GPC6: variants seen among roughly 807,000 people sequenced by gnomAD.
The protein encoded by GPC6 is glypican 6.
In GPC6, 14 loss-of-function variants were observed where a neutral mutation model predicts 55.2. The observed-to-expected ratio is 0.25, with a 90% CI of 0.17 to 0.40. GPC6 has a LOEUF of 0.40. Among genes scored for constraint, GPC6 ranks in the 10% least tolerant of loss-of-function variants. GPC6 has a pLI of 1.00. For missense variants in GPC6, 641 were observed against 708.5 expected (o/e 0.90, Z 1.08); for synonymous variants, 278 against 259.6 (o/e 1.07, Z -0.68).
intron 6 of GPC6, 109 bp downstream of exon 6, chr13:94,306,232 C>G: frequency 9.7e-7 from 1 of 1,033,344 alleles, no homozygotes; most frequent in Non-Finnish European, 1.5e-6. Flanking sequence ...TCATCTCATG[C>G]TTATATCTGC....
At chr13:93,929,149 G>T (rs1222216560) in intron 3 of GPC6, among the ~76,000 whole-genome samples, 3 of 152,048 alleles carry the variant, frequency 2.0e-5, no homozygotes, top group Non-Finnish European at 4.4e-5. Flanking sequence ...ATTCATACCT[G>T]GCCCTTTCAC....
chr13:94,166,822 TC>T (rs1293699639), intron 4 of GPC6, among the ~76,000 whole-genome samples: 10 of 152,210 alleles, frequency 6.6e-5, no homozygotes, highest in African/African-American at 2.4e-4. Flanking sequence ...TTTTAAATTT[TC>T]ATCAAATATG....
chr13:94,121,368 A>C (rs1413789211), intron 4 of GPC6, among the ~76,000 whole-genome samples: 1 of 152,062 alleles, frequency 6.6e-6, no homozygotes, highest in Non-Finnish European at 1.5e-5. Flanking sequence ...GCCAAGGATA[A>C]TTACTTTTGT....
intron 1 of GPC6, among the ~76,000 whole-genome samples, chr13:93,322,714 A>G (rs1879500163): frequency 6.6e-6 from 1 of 152,068 alleles, no homozygotes; most frequent in Non-Finnish European, 1.5e-5. Flanking sequence ...TGCTGGGATT[A>G]CAGGCATGAG....
At chr13:93,842,594 G>A (rs557217953) in intron 3 of GPC6, among the ~76,000 whole-genome samples, 1 of 152,120 alleles carries the variant, frequency 6.6e-6, no homozygotes, top group South Asian at 2.1e-4. Flanking sequence ...CCTCTTGATT[G>A]CTTGTGTTTG....
At position 93,690,220 on chromosome 13, in the gene GPC6, G is replaced by A. The variant is rs546609951; in HGVS notation, c.320-139934G>A. 2.6e-5 allele frequency among the ~76,000 whole-genome samples: 4 copies of A among 152,156 alleles called. No homozygotes were observed. In the South Asian group the frequency reaches 6.2e-4, roughly 24 times the overall value. On this transcript the variant is annotated intron_variant, in intron 2 of 8. Coordinates refer to ENST00000377047, the MANE Select transcript of GPC6 (RefSeq NM_005708.5). ...TAAGCTGAAGTCAATTTTTGATGTG[G>A]ATGTTGATATATAATTGACCTGGGT...
chr13:93,784,330 C>T (rs567398564), intron 2 of GPC6, among the ~76,000 whole-genome samples: 1 of 152,180 alleles, frequency 6.6e-6, no homozygotes, highest in East Asian at 1.9e-4. Context: ...ATCAGAACAA[C>T]CTGCACAGAT....
At chr13:94,037,341 T>G (rs1416556566) in intron 4 of GPC6, among the ~76,000 whole-genome samples, 1 of 151,992 alleles carries the variant, frequency 6.6e-6, no homozygotes, top group Non-Finnish European at 1.5e-5. Context: ...GATCCAGATA[T>G]GCGCTTCCCG....
At chr13:93,535,826 G>A (rs1882041506) in intron 1 of GPC6, among the ~76,000 whole-genome samples, 1 of 151,890 alleles carries the variant, frequency 6.6e-6, no homozygotes, top group South Asian at 2.1e-4. Context: ...TTATCCCACA[G>A]CCTTCTTCCT....
At chr13:93,473,540 G>A (rs1879201465) in intron 1 of GPC6, among the ~76,000 whole-genome samples, 1 of 152,186 alleles carries the variant, frequency 6.6e-6, no homozygotes, top group Non-Finnish European at 1.5e-5. Flanking sequence ...ATCCAGAGAT[G>A]CCTGGGACCT....
At chr13:93,237,018 GTGATAAATATA>G (rs1876257978) in intron 1 of GPC6, among the ~76,000 whole-genome samples, 1 of 152,164 alleles carries the variant, frequency 6.6e-6, no homozygotes, top group South Asian at 2.1e-4. Flanking sequence ...GAGTTGTGTT[GTGATAAATATA>G]TGAGTGTAGT....
At chr13:93,586,745 T>C (rs913190648) in intron 2 of GPC6, among the ~76,000 whole-genome samples, 1 of 152,170 alleles carries the variant, frequency 6.6e-6, no homozygotes, top group African/African-American at 2.4e-5. Context: ...CGTTTTGAAA[T>C]TGCCAAGACC....
chr13:93,872,939 T>C (rs1458394950), intron 3 of GPC6, among the ~76,000 whole-genome samples: 2 of 151,966 alleles, frequency 1.3e-5, no homozygotes, highest in East Asian at 3.9e-4. Context: ...AACTTTGTGC[T>C]AAAAATTCTC....
intron 1 of GPC6, among the ~76,000 whole-genome samples, chr13:93,472,004 T>C (rs968356141): frequency 6.6e-6 from 1 of 152,180 alleles, no homozygotes; most frequent in African/African-American, 2.4e-5. Context: ...TGTAGCTTTG[T>C]CTATTTCTAT....
At position 93,492,637 on chromosome 13, in the gene GPC6, G is replaced by C. The variant is rs200992966; in HGVS notation, c.161-52626G>C. Among the ~76,000 whole-genome samples the C allele has an allele frequency of 1.1e-4, 17 of 150,546 alleles. No homozygotes were observed. The South Asian group carries it at 2.9e-3, about 26-fold the overall frequency. On this transcript the variant is annotated intron_variant, in intron 1 of 8. Transcript: ENST00000377047. ...GAATGCTTCTAGTTTTTGCCCATTC[G>C]GTATGATATTGGCTGTGGGTTTGTC...
chr13:93,417,807 A>T (rs1440117941), intron 1 of GPC6, among the ~76,000 whole-genome samples: 2 of 152,070 alleles, frequency 1.3e-5, no homozygotes, highest in African/African-American at 4.8e-5. Context: ...TATGGATAAA[A>T]ATCTTCTATA....
chr13:93,309,180 T>A (rs1224669824), intron 1 of GPC6, among the ~76,000 whole-genome samples: 2 of 152,218 alleles, frequency 1.3e-5, no homozygotes, highest in Non-Finnish European at 2.9e-5. Context: ...TTGTTTACAA[T>A]GTAAATGATA....
At chr13:93,891,598 G>T (rs1477044696) in intron 3 of GPC6, among the ~76,000 whole-genome samples, 1 of 152,098 alleles carries the variant, frequency 6.6e-6, no homozygotes, top group East Asian at 1.9e-4. Flanking sequence ...AAAATCAATT[G>T]CTTCTTGAAA....
chr13:93,899,089 T>C lies in GPC6; in HGVS notation c.711+68544T>C, dbSNP rs1876197829. Among the ~76,000 whole-genome samples the C allele has an allele frequency of 4.6e-5, 7 of 151,718 alleles. No individual in the cohort carries two copies. The South Asian group carries it at 1.5e-3, about 31-fold the overall frequency. ...TAAAAATGTGCTTTAATGACTTATG[T>C]GCTTTCATGACTTCTGGGCAACCAC... On this transcript the variant is annotated intron_variant, in intron 3 of 8. Coordinates refer to ENST00000377047, the MANE Select transcript of GPC6 (RefSeq NM_005708.5).
Sources: gnomAD v4.1 joint callset for allele counts (sites outside exome capture counted in the v4.1 genomes callset) on GRCh38, gnomAD v4.1.1 for gene constraint, MANE v1.5 for transcripts, NCBI Gene and HGNC (gene_info 2026-07-23, HGNC 2026-07-21) for gene names.